The following CUL2 variants were observed in gnomAD, a reference collection of about 807,000 sequenced individuals.
CUL2 encodes cullin-2.
In CUL2, 22 loss-of-function variants were observed where a neutral mutation model predicts 110.2. That is an observed-to-expected ratio of 0.20 (90% CI 0.14 to 0.28). CUL2 has a LOEUF of 0.28. Among genes scored for constraint, CUL2 ranks in the 10% least tolerant of loss-of-function variants. The probability of loss-of-function intolerance (pLI) is 1.00; values close to 1 mark genes in which losing one functional copy is unlikely to be tolerated. For synonymous variants in CUL2, 279 were observed against 293.2 expected (o/e 0.95, Z 0.49); for missense variants, 631 against 905.5 (o/e 0.70, Z 3.89).
intron 1 of CUL2, chr10:35,073,965 A>G (rs1173377180): frequency 1.5e-6 from 1 of 688,780 alleles, no homozygotes; most frequent in Non-Finnish European, 2.6e-6. Context: ...AACTTGCTTA[A>G]GGTCACAAAG....
intron 1 of CUL2, chr10:35,118,211 C>T (rs1480006741): frequency 6.6e-6 from 1 of 152,196 alleles, no homozygotes; most frequent in Non-Finnish European, 1.5e-5. Flanking sequence ...ATTTTCATTT[C>T]TCTGAAGCTA....
chr10:35,117,183 G>T (rs2087618824), intron 1 of CUL2, among the ~76,000 whole-genome samples: 2 of 152,116 alleles, frequency 1.3e-5, no homozygotes, highest in African/African-American at 4.8e-5. Flanking sequence ...AGCTTACTTG[G>T]GACAGACACA....
At chr10:35,016,431 T>C in intron 17 of CUL2, 37 bp from the exon 18 acceptor site, 1 of 1,434,176 alleles carries the variant, frequency 7.0e-7, no homozygotes, top group Non-Finnish European at 9.6e-7. Flanking sequence ...GAATTGACCA[T>C]TCAAAGAAAC....
At chr10:35,051,469 C>G (rs925401227) in intron 5 of CUL2, among the ~76,000 whole-genome samples, 47 of 137,318 alleles carry the variant, frequency 3.4e-4, no homozygotes, top group Middle Eastern at 4.6e-3. Flanking sequence ...AAAAATTAGC[C>G]GGGCGAGGTG....
chr10:35,119,789 C>T (rs1041440481), intron 1 of CUL2, among the ~76,000 whole-genome samples: 1 of 151,932 alleles, frequency 6.6e-6, no homozygotes, highest in Non-Finnish European at 1.5e-5. Flanking sequence ...AGGCTGATCT[C>T]GAACTCCTGG....
chr10:35,091,767 C>T (rs1219368958), upstream of CUL2, among the ~76,000 whole-genome samples: 2 of 152,024 alleles, frequency 1.3e-5, no homozygotes, highest in African/African-American at 4.8e-5. Context: ...ATTACAGAAG[C>T]CCGCCACCAC....
At chr10:35,090,917 C>A (rs1488333543), upstream of CUL2, among the ~76,000 whole-genome samples, 2 of 152,246 alleles carry the variant, frequency 1.3e-5, no homozygotes, top group Admixed American at 6.5e-5. Context: ...TTGCCACACA[C>A]TTCCATGGGC....
In CUL2 at chr10:35,033,238, C is replaced by T. The variant is rs551758469; in HGVS notation, c.1038G>A (p.Val346=). 21 of 1,613,658 alleles carry T rather than the reference C, an allele frequency of 1.3e-5. No homozygotes were observed. Among genetic ancestry groups the T allele is most frequent in the Middle Eastern group, 3.3e-4 (2 of 6,056 alleles). Residue 346 remains valine (V), a synonymous_variant, in exon 11 of 21, where the codon GTG becomes GTA. Transcript: ENST00000374749. ...TGATAAGCTGAACAAATTTACCATG[C>T]ACTTCCAAAACTGACTCCACAAATA... ...PTLFVESVLE[V]HGKFVQLINT... is the part of the protein sequence containing the mutation.
In CUL2 at chr10:35,010,389, C is replaced by T. The variant is rs757867201; in HGVS notation, c.2160G>A (p.Lys720=). 8.1e-6 allele frequency: 13 copies of T among 1,613,158 alleles called. No individual in the cohort carries two copies. The highest frequency in any genetic ancestry group is 1.0e-5 in the Non-Finnish European group (12 of 1,179,540). The change falls in exon 21 of 21, where the codon AAG becomes AAA. Residue 720 remains lysine, a synonymous_variant. Coordinates refer to ENST00000374749, the MANE Select transcript of CUL2 (RefSeq NM_003591.4). ...GTTTGTCTATCAGAACTTCAATACA[C>T]TTCTTAATCATGCTGATACTGGGAT... is the stretch of plus-strand genomic sequence containing the variant. The part of the protein sequence containing the change: ...RFNPSISMIK[K]CIEVLIDKQY...
chr10:35,087,532 T>C (rs1001477046), intron 1 of CUL2, among the ~76,000 whole-genome samples: 5 of 152,100 alleles, frequency 3.3e-5, no homozygotes, highest in Non-Finnish European at 7.3e-5. Flanking sequence ...TCACCTCCAC[T>C]TGAACAACGA....
Position 35,020,920 on chromosome 10 carries a change from T to C in CUL2, c.1684+4212A>G, listed in dbSNP as rs574727621. ...GAAATACACTCTCAACACTCTCCTT[T>C]ACGTAGCTTGGTTAAGTCCTATTCA... On this transcript the variant is annotated intron_variant, in intron 17 of 20. Coordinates refer to ENST00000374749, the MANE Select transcript of CUL2 (RefSeq NM_003591.4). Among the ~76,000 whole-genome samples, 17 of 152,120 alleles carry C rather than the reference T, an allele frequency of 1.1e-4. No individual in the cohort carries two copies. The East Asian group carries it at 3.1e-3, about 28-fold the overall frequency.
At chr10:35,119,292 T>A (rs568224542) in intron 1 of CUL2, among the ~76,000 whole-genome samples, 2 of 152,326 alleles carry the variant, frequency 1.3e-5, no homozygotes, top group South Asian at 4.1e-4. Context: ...AGTTATTTTA[T>A]CTTAAAAAGG....
intron 5 of CUL2, among the ~76,000 whole-genome samples, chr10:35,051,379 C>T (rs1474800196): frequency 1.6e-4 from 23 of 145,594 alleles, no homozygotes; most frequent in East Asian, 6.2e-4. Flanking sequence ...TTTGGGAGGC[C>T]GAGGCGGGCG....
intron 1 of CUL2, among the ~76,000 whole-genome samples, chr10:35,123,477 T>C (rs1262460784): frequency 6.6e-6 from 1 of 151,442 alleles, no homozygotes; most frequent in Non-Finnish European, 1.5e-5. Flanking sequence ...AGATGGGTAA[T>C]AGTGGGAATA....
chr10:35,044,501 G>A (rs1227899606), intron 8 of CUL2, 65 bp downstream of exon 8: 34 of 946,382 alleles, frequency 3.6e-5, no homozygotes, highest in Non-Finnish European at 4.5e-5. Context: ...AACTAAGAAC[G>A]ATGTTAAATA....
chr10:35,092,418 T>C (rs181274495), upstream of CUL2, among the ~76,000 whole-genome samples: 5 of 152,372 alleles, frequency 3.3e-5, no homozygotes, highest in East Asian at 9.6e-4. Context: ...TTTAAGGCTA[T>C]TGATTTAGGA....
Position 35,010,420 on chromosome 10 carries a change from C to T in CUL2, c.2129G>A (p.Arg710Lys). The change falls in exon 21 of 21, where the codon AGG becomes AAG. Residue 710 changes from arginine (R) to lysine (K), a missense_variant. By Grantham distance (26) the Arg-to-Lys change is conservative. Transcript: ENST00000374749. ...IQEVISQSRA[R>K]FNPSISMIKK... is the part of the protein sequence containing the mutation. The stretch of plus-strand genomic sequence containing the variant: ...AATCATGCTGATACTGGGATTAAAC[C>T]TAGCTCTTGACTGGCTAATCACCTG... 6.2e-7 allele frequency: 1 copy of T among 1,610,436 alleles called. No individual in the cohort carries two copies. The highest frequency in any genetic ancestry group is 8.5e-7 in the Non-Finnish European group (1 of 1,178,282).
rs182970928 is a variant in CUL2 at position 35,075,807 on chromosome 10, T to C, written c.-22-4468A>G. On this transcript the variant is annotated intron_variant, in intron 1 of 20. Coordinates refer to ENST00000374749, the MANE Select transcript of CUL2 (RefSeq NM_003591.4). Reference sequence around the variant, plus strand: ...TTTTTATTACATTTGAAAACACTTGTAGATTTGATTTCCTCACAGCATAAT... The same window carrying C: ...TTTTTATTACATTTGAAAACACTTGCAGATTTGATTTCCTCACAGCATAAT... 4.9e-4 allele frequency among the ~76,000 whole-genome samples: 75 copies of C among 152,316 alleles called. 2 individuals carry two copies. The highest frequency in any genetic ancestry group is 1.8e-3 in the African/African-American group (74 of 41,574).
intron 20 of CUL2, among the ~76,000 whole-genome samples, chr10:35,010,697 C>G (rs1385547786): frequency 2.0e-5 from 3 of 152,240 alleles, no homozygotes; most frequent in African/African-American, 7.2e-5. Flanking sequence ...ACTCAACTCT[C>G]AGCTCTTAGT....
Sources: gnomAD v4.1 joint callset for allele counts (sites outside exome capture counted in the v4.1 genomes callset) on GRCh38, gnomAD v4.1.1 for gene constraint, MANE v1.5 for transcripts, NCBI Gene and HGNC (gene_info 2026-07-23, HGNC 2026-07-21) for gene names.